Variants in CSMD2 observed in about 807,000 individuals in gnomAD.
The protein encoded by CSMD2 is CUB and Sushi multiple domains 2.
Under a neutral mutation model 398.5 loss-of-function variants are expected in CSMD2, and 130 were observed. The observed-to-expected ratio is 0.33, with a 90% CI of 0.28 to 0.38. The LOEUF (loss-of-function observed/expected upper bound fraction) is 0.38, where lower values mean the gene tolerates loss of function less well. Ranked by LOEUF, CSMD2 falls within the 10% of genes least tolerant of loss-of-function variation. CSMD2 has a pLI of 1.00. For missense variants in CSMD2, 3,829 were observed against 4,764.9 expected (o/e 0.80, Z 5.78); for synonymous variants, 1,828 against 1,908.5 (o/e 0.96, Z 1.10).
At chr1:33,527,975 G>T (rs114208972) in intron 64 of CSMD2, among the ~76,000 whole-genome samples, 1 of 147,008 alleles carries the variant, frequency 6.8e-6, no homozygotes, top group African/African-American at 2.5e-5. Flanking sequence ...TCCTGCCCTC[G>T]ACTTTGCTTT....
intron 3 of CSMD2, among the ~76,000 whole-genome samples, chr1:33,976,412 C>A (rs1329357623): frequency 6.6e-6 from 1 of 152,214 alleles, no homozygotes; most frequent in African/African-American, 2.4e-5. Flanking sequence ...GGGATCTGGC[C>A]TCTGGCTTCA....
chr1:34,072,102 T>C (rs1196373320), intron 2 of CSMD2, among the ~76,000 whole-genome samples: 4 of 152,086 alleles, frequency 2.6e-5, no homozygotes, highest in African/African-American at 9.7e-5. Flanking sequence ...TGTGACAGAG[T>C]AGAAATTGAT....
chr1:33,821,529 C>A (rs1389680370), intron 7 of CSMD2, among the ~76,000 whole-genome samples: 2 of 152,148 alleles, frequency 1.3e-5, no homozygotes, highest in African/African-American at 2.4e-5. Context: ...GGCATCTGGA[C>A]AGCATTCGGC....
chr1:33,527,822 T>C (rs1397479977), intron 64 of CSMD2, among the ~76,000 whole-genome samples: 10 of 151,960 alleles, frequency 6.6e-5, no homozygotes, highest in African/African-American at 1.2e-4. Context: ...AATGTCCTCA[T>C]TGAAAACTTT....
intron 6 of CSMD2, among the ~76,000 whole-genome samples, chr1:33,829,046 A>G (rs1181740900): frequency 1.3e-5 from 2 of 152,244 alleles, no homozygotes; most frequent in East Asian, 1.9e-4. Flanking sequence ...CTGAGAGGTT[A>G]TATCACCAGT....
At chr1:33,895,634 G>C (rs1333019159) in intron 5 of CSMD2, among the ~76,000 whole-genome samples, 4 of 152,164 alleles carry the variant, frequency 2.6e-5, no homozygotes, top group African/African-American at 9.7e-5. Flanking sequence ...TGGAGAGGCA[G>C]GGGGACTTGG....
intron 2 of CSMD2, among the ~76,000 whole-genome samples, chr1:34,079,661 A>C (rs1558347403): frequency 6.6e-6 from 1 of 152,190 alleles, no homozygotes; most frequent in South Asian, 2.1e-4. Context: ...ACAAACACGA[A>C]GAAAATTCTA....
chr1:33,658,098 T>C lies in CSMD2; in HGVS notation c.4295A>G (p.Gln1432Arg), dbSNP rs756807083. ...ATSCNDPGIP[Q>R]NGSRSGDSWE... Reference sequence around the variant, plus strand: ...ACTGTCACCACTCCGACTCCCATTCTGCGGGATCCCAGGGTCATTGCAGGA... The same window carrying C: ...ACTGTCACCACTCCGACTCCCATTCCGCGGGATCCCAGGGTCATTGCAGGA... Residue 1432 changes from glutamine to arginine, a missense_variant, in exon 27 of 71, where the codon CAG (glutamine) becomes CGG (arginine). Transcript: ENST00000373381. The C allele has an allele frequency of 3.7e-6, 6 of 1,614,068 alleles. 2 individuals carry two copies. In the South Asian group the frequency reaches 5.5e-5, roughly 15 times the overall value.
chr1:33,786,371 C>T (rs151231734), intron 12 of CSMD2, among the ~76,000 whole-genome samples: 3 of 152,302 alleles, frequency 2.0e-5, no homozygotes, highest in South Asian at 4.1e-4. Flanking sequence ...AGCAACTTTG[C>T]ATCCATCTCC....
chr1:33,662,579 G>T lies in CSMD2; in HGVS notation c.4255+311C>A, dbSNP rs556959681. Among the ~76,000 whole-genome samples, 4 of 152,106 alleles carry T rather than the reference G, an allele frequency of 2.6e-5. 1 individual carries two copies. The highest frequency in any genetic ancestry group is 2.0e-4 in the Admixed American group (3 of 15,280). ...TTTCTTGAGTAACTTCTACTTGTCCGTTGGGTCTGAGCTTGGACATCATCT... is the reference window on the plus strand; with the variant it reads ...TTTCTTGAGTAACTTCTACTTGTCCTTTGGGTCTGAGCTTGGACATCATCT... On this transcript the variant is annotated intron_variant, in intron 26 of 70. Transcript: ENST00000373381.
At chr1:33,740,254 G>A (rs1647013520) in intron 14 of CSMD2, among the ~76,000 whole-genome samples, 1 of 151,726 alleles carries the variant, frequency 6.6e-6, no homozygotes, top group South Asian at 2.1e-4. Context: ...CCTCCAGCAG[G>A]GGCATCACAG....
intron 25 of CSMD2, among the ~76,000 whole-genome samples, chr1:33,682,978 G>T (rs1365459058): frequency 6.6e-6 from 1 of 152,094 alleles, no homozygotes; most frequent in African/African-American, 2.4e-5. Flanking sequence ...ATGGCCTTTT[G>T]TATATTATTA....
intron 14 of CSMD2, among the ~76,000 whole-genome samples, chr1:33,741,401 G>A (rs763006638): frequency 6.6e-6 from 1 of 152,174 alleles, no homozygotes; most frequent in African/African-American, 2.4e-5. Flanking sequence ...GACTGCATCC[G>A]ATCGCCTCAG....
intron 26 of CSMD2, among the ~76,000 whole-genome samples, chr1:33,662,291 C>A (rs1295097390): frequency 6.6e-6 from 1 of 152,172 alleles, no homozygotes; most frequent in African/African-American, 2.4e-5. Context: ...CATGTCCCAT[C>A]AGCTTATTCA....
At chr1:33,791,192 G>T (rs753229037) in intron 11 of CSMD2, among the ~76,000 whole-genome samples, 18 of 152,234 alleles carry the variant, frequency 1.2e-4, no homozygotes, top group Non-Finnish European at 2.5e-4. Flanking sequence ...GGGAAGGAGT[G>T]TGGCATGGGA....
Position 33,518,041 on chromosome 1 carries a change from G to T in CSMD2, c.*53+1424C>A, listed in dbSNP as rs1247925308. ...ATGCACAGGAGCGTGGGGAGGGAGC[G>T]CAACACTAGCCCTGGGTTTGGCTGG... On this transcript the variant is annotated intron_variant, in intron 70 of 70. Coordinates refer to ENST00000373381, the MANE Select transcript of CSMD2 (RefSeq NM_001281956.2). This position sits in a 1 kb window ranked among gnomAD's most constrained non-coding sequence, Gnocchi z 4.3. 6.6e-6 allele frequency among the ~76,000 whole-genome samples: 1 copy of T among 152,374 alleles called. No homozygotes were observed. The highest frequency in any genetic ancestry group is 2.1e-4 in the South Asian group (1 of 4,832).
chr1:33,829,587 G>C (rs1350117596), intron 6 of CSMD2, among the ~76,000 whole-genome samples: 1 of 152,222 alleles, frequency 6.6e-6, no homozygotes, highest in East Asian at 1.9e-4. Flanking sequence ...CGACGCAGAA[G>C]AAGGGTGATT....
chr1:33,902,660 C>T (rs1469230853), intron 5 of CSMD2, among the ~76,000 whole-genome samples: 1 of 152,172 alleles, frequency 6.6e-6, no homozygotes, highest in Non-Finnish European at 1.5e-5. Flanking sequence ...CCTCAGCTTT[C>T]GCTAAGTATC....
At chr1:33,979,686 G>T (rs1646095020) in intron 3 of CSMD2, among the ~76,000 whole-genome samples, 1 of 142,286 alleles carries the variant, frequency 7.0e-6, no homozygotes, top group Non-Finnish European at 1.6e-5. Context: ...GGAAAAGCTT[G>T]TGTGTGTTTT....
Sources: allele counts gnomAD v4.1 joint callset (sites outside exome capture counted in the v4.1 genomes callset), GRCh38; gene constraint gnomAD v4.1.1; non-coding constraint Gnocchi (gnomAD v3.1); transcripts MANE v1.5; gene names NCBI Gene and HGNC (gene_info 2026-07-23, HGNC 2026-07-21).